Variants in BBS9 observed in about 807,000 individuals in gnomAD.
BBS9 encodes Bardet-Biedl syndrome 9.
A neutral mutation model predicts 117.7 loss-of-function variants in BBS9; 89 were observed. That is an observed-to-expected ratio of 0.76 (90% confidence interval 0.64 to 0.90). The LOEUF (loss-of-function observed/expected upper bound fraction) is 0.90, where lower values mean the gene tolerates loss of function less well. Ranked by LOEUF, BBS9 falls within the 40% of genes least tolerant of loss-of-function variation. The probability of loss-of-function intolerance (pLI) is 0.00; values close to 1 mark genes in which losing one functional copy is unlikely to be tolerated. For missense variants in BBS9, 982 were observed against 1,042.2 expected, an observed-to-expected ratio of 0.94 and a Z score of 0.80; for synonymous variants, 379 against 370.9, an observed-to-expected ratio of 1.02 and a Z score of -0.25.
rs1470631352 is a variant in BBS9 at position 33,284,958 on chromosome 7, G to A, written c.1016+11002G>A. 2.0e-5 allele frequency among the ~76,000 whole-genome samples: 3 copies of A among 152,132 alleles called. No individual in the cohort carries two copies. The South Asian group carries it at 6.2e-4, about 31-fold the overall frequency. On this transcript the variant is annotated intron_variant, in intron 9 of 22. Coordinates refer to ENST00000242067, the MANE Select transcript of BBS9 (RefSeq NM_198428.3). ...AAGTTACAATTCCCATGAGGCACTA[G>A]TACCAAGTACATCTTACTTTGAAAC...
chr7:33,599,275 C>T (rs533074954), intron 21 of BBS9, among the ~76,000 whole-genome samples: 2 of 152,228 alleles, frequency 1.3e-5, no homozygotes, highest in East Asian at 3.9e-4. Context: ...GGTTTTCAGG[C>T]ACTTTTCTCT....
chr7:33,246,877 A>G (rs147633837), intron 5 of BBS9, among the ~76,000 whole-genome samples: 270 of 152,268 alleles, frequency 1.8e-3, no homozygotes, highest in African/African-American at 6.2e-3. Context: ...ACACACTCAC[A>G]ATATTCTTCT....
intron 19 of BBS9, among the ~76,000 whole-genome samples, chr7:33,412,301 C>A (rs77701088): frequency 0.061 from 9,224 of 152,152 alleles, 315 homozygotes; most frequent in Non-Finnish European, 0.065. Context: ...AACTGCCAGA[C>A]CTAACGTTCA....
chr7:33,602,024 A>G (rs550880978), intron 21 of BBS9, among the ~76,000 whole-genome samples: 1 of 152,256 alleles, frequency 6.6e-6, no homozygotes, highest in African/African-American at 2.4e-5. Context: ...TGATTTTCTC[A>G]AGAGGACAGA....
chr7:33,539,282 T>C (rs1224613820), intron 21 of BBS9, among the ~76,000 whole-genome samples: 1 of 152,228 alleles, frequency 6.6e-6, no homozygotes, highest in African/African-American at 2.4e-5. Context: ...ACACTGTTGG[T>C]GCTGCATTTA....
At chr7:33,368,544 A>G (rs534993298) in intron 17 of BBS9, among the ~76,000 whole-genome samples, 1 of 150,994 alleles carries the variant, frequency 6.6e-6, no homozygotes, top group Non-Finnish European at 1.5e-5. Context: ...TAAGAAAGGA[A>G]GTATTTAACG....
intron 21 of BBS9, among the ~76,000 whole-genome samples, chr7:33,565,843 CTTATATATATATA>C (rs1320551278): frequency 2.9e-5 from 1 of 34,034 alleles, no homozygotes; most frequent in African/African-American, 9.3e-5. Flanking sequence ...ATATATACTG[CTTATATATATATA>C]TATATATATA....
chr7:33,608,829 G>A (rs1864720564), downstream of BBS9, among the ~76,000 whole-genome samples: 1 of 152,060 alleles, frequency 6.6e-6, no homozygotes, highest in South Asian at 2.1e-4. Context: ...TCTGTTGATA[G>A]TGTCTTTTAT....
chr7:33,362,860 A>C (rs1820884051), intron 16 of BBS9, among the ~76,000 whole-genome samples: 1 of 152,148 alleles, frequency 6.6e-6, no homozygotes, highest in Admixed American at 6.5e-5. Flanking sequence ...GGAGAGAACC[A>C]ATATCTTAAC....
At chr7:33,527,603 G>C (rs901156759) in intron 20 of BBS9, among the ~76,000 whole-genome samples, 2 of 152,136 alleles carry the variant, frequency 1.3e-5, no homozygotes, top group African/African-American at 2.4e-5. Context: ...GCCCTGCTTC[G>C]GCTCGCGCAC....
intron 19 of BBS9, among the ~76,000 whole-genome samples, chr7:33,485,532 A>C (rs1842997257): frequency 6.6e-6 from 1 of 151,984 alleles, no homozygotes; most frequent in Non-Finnish European, 1.5e-5. Context: ...GATGGTCTCG[A>C]TCTCCTGACC....
intron 19 of BBS9, among the ~76,000 whole-genome samples, chr7:33,477,518 T>C (rs1282865855): frequency 6.6e-6 from 1 of 152,190 alleles, no homozygotes; most frequent in East Asian, 1.9e-4. Flanking sequence ...TTATTATTTT[T>C]TTTAAAGCTT....
intron 20 of BBS9, 37 bp from the exon 21 acceptor site, chr7:33,533,917 A>G (rs765837501): frequency 2.5e-6 from 4 of 1,606,618 alleles, no homozygotes; most frequent in South Asian, 1.1e-5. Flanking sequence ...TCTTATTGTC[A>G]TCTTTGTATT....
At chr7:33,573,038 T>A (rs906138679) in intron 21 of BBS9, among the ~76,000 whole-genome samples, 2 of 152,036 alleles carry the variant, frequency 1.3e-5, no homozygotes, top group Non-Finnish European at 2.9e-5. Context: ...TTCTTCCCTT[T>A]CCCTCTTTCT....
intron 19 of BBS9, among the ~76,000 whole-genome samples, chr7:33,494,989 C>T (rs982045155): frequency 2.0e-5 from 3 of 151,970 alleles, no homozygotes; most frequent in African/African-American, 7.3e-5. Flanking sequence ...CATATTTTGC[C>T]AAAGAACTAC....
intron 17 of BBS9, among the ~76,000 whole-genome samples, chr7:33,370,272 A>T (rs1322520600): frequency 1.3e-5 from 2 of 151,996 alleles, no homozygotes; most frequent in Non-Finnish European, 2.9e-5. Context: ...AGCCTGGGCA[A>T]CATAGTGAGA....
At chr7:33,540,991 A>G (rs1446725883) in intron 21 of BBS9, among the ~76,000 whole-genome samples, 1 of 152,180 alleles carries the variant, frequency 6.6e-6, no homozygotes, top group Non-Finnish European at 1.5e-5. Flanking sequence ...TTCCTCATAG[A>G]ACATTCTCAT....
chr7:33,441,205 G>A (rs1324084821), intron 19 of BBS9, among the ~76,000 whole-genome samples: 1 of 152,022 alleles, frequency 6.6e-6, no homozygotes, highest in Non-Finnish European at 1.5e-5. Context: ...ATAGGCTGGA[G>A]TGGAGTCAAT....
rs180821741 is a variant in BBS9, at chr7:33,206,503, T to C, written c.442+28912T>C. 9.9e-4 allele frequency among the ~76,000 whole-genome samples: 151 copies of C among 152,284 alleles called. 1 individual carries two copies. The Middle Eastern group carries it at 0.01, about 10-fold the overall frequency. On this transcript the variant is annotated intron_variant, in intron 5 of 22. Coordinates refer to ENST00000242067, the MANE Select transcript of BBS9 (RefSeq NM_198428.3). The stretch of plus-strand genomic sequence containing the variant: ...TTATCCCTTTACCCAGGTTTGCCTA[T>C]TGTTAATATTTTTACCTTATTTGCT...
Sources: allele counts gnomAD v4.1 joint callset (sites outside exome capture counted in the v4.1 genomes callset), GRCh38; gene constraint gnomAD v4.1.1; transcripts MANE v1.5; gene names NCBI Gene and HGNC (gene_info 2026-07-23, HGNC 2026-07-21).